Variants in WDPCP observed in about 807,000 individuals in gnomAD.
WDPCP encodes the protein WD repeat containing planar cell polarity effector, also known as WD repeat-containing and planar cell polarity effector protein fritz homolog.
In WDPCP, 71 loss-of-function variants were observed where a neutral mutation model predicts 93.1. The observed-to-expected ratio is 0.76, with a 90% CI of 0.63 to 0.93. WDPCP has a LOEUF of 0.93. Among genes scored for constraint, WDPCP ranks in the 40% least tolerant of loss-of-function variants. The pLI is 0.00. For synonymous variants in WDPCP, 315 were observed against 315.0 expected, an observed-to-expected ratio of 1.00 and a Z score of 0.00; for missense variants, 844 against 887.4, an observed-to-expected ratio of 0.95 and a Z score of 0.62.
chr2:63,555,067 C>A (rs1705987086), intron 1 of WDPCP, among the ~76,000 whole-genome samples: 6 of 152,248 alleles, frequency 3.9e-5, no homozygotes, highest in Non-Finnish European at 8.8e-5. Flanking sequence ...AGCCACTTGG[C>A]TGGAGACTGC....
chr2:63,682,639 AG>A (rs538849274), intron 2 of WDPCP, among the ~76,000 whole-genome samples: 122 of 152,298 alleles, frequency 8.0e-4, no homozygotes, highest in African/African-American at 2.9e-3. Flanking sequence ...GGATAATAAC[AG>A]AGAACTTTCT....
chr2:63,587,037 ATCTT>A (rs958345868), intron 1 of WDPCP, among the ~76,000 whole-genome samples: 1 of 152,252 alleles, frequency 6.6e-6, no homozygotes, highest in Non-Finnish European at 1.5e-5. Context: ...ACATGGAAAA[ATCTT>A]TCTGTTAGCA....
intron 17 of WDPCP, among the ~76,000 whole-genome samples, chr2:63,125,719 CT>C (rs1298810904): frequency 3.9e-5 from 6 of 152,090 alleles, no homozygotes; most frequent in Non-Finnish European, 8.8e-5. Flanking sequence ...GCAGTTCTCC[CT>C]GCCTCAGCCT....
At chr2:63,448,245 T>A (rs1697992597) in intron 6 of WDPCP, among the ~76,000 whole-genome samples, 1 of 152,016 alleles carries the variant, frequency 6.6e-6, no homozygotes, top group Admixed American at 6.6e-5. Flanking sequence ...CTTCCAGTTC[T>A]CCTCCATAAT....
At chr2:63,198,550 T>C (rs1337199632) in intron 14 of WDPCP, among the ~76,000 whole-genome samples, 1 of 152,198 alleles carries the variant, frequency 6.6e-6, no homozygotes, top group Non-Finnish European at 1.5e-5. Flanking sequence ...GATTGGATCA[T>C]GGAGGCAGAT....
intron 3 of WDPCP, among the ~76,000 whole-genome samples, chr2:63,619,128 CTTT>C (rs557281211): frequency 3.0e-4 from 45 of 152,174 alleles, no homozygotes; most frequent in Non-Finnish European, 6.0e-4. Context: ...CTGTCATCTT[CTTT>C]GTTTCTTGAC....
intron 12 of WDPCP, among the ~76,000 whole-genome samples, chr2:63,365,598 C>G (rs1230868876): frequency 2.0e-5 from 3 of 151,978 alleles, no homozygotes; most frequent in African/African-American, 7.2e-5. Flanking sequence ...CTTCTTTTTT[C>G]CTAATGGTAA....
intron 17 of WDPCP, among the ~76,000 whole-genome samples, chr2:63,130,776 G>A (rs1386178855): frequency 1.3e-5 from 2 of 151,952 alleles, no homozygotes; most frequent in African/African-American, 4.8e-5. Context: ...TTGTCCTATC[G>A]ATTATTGAAA....
intron 3 of WDPCP, among the ~76,000 whole-genome samples, chr2:63,596,111 A>T (rs184967631): frequency 6.6e-6 from 1 of 152,300 alleles, no homozygotes; most frequent in Admixed American, 6.5e-5. Context: ...TATAACACAG[A>T]TATAATAAGG....
chr2:63,155,599 A>G (rs1189563742), intron 15 of WDPCP, among the ~76,000 whole-genome samples: 1 of 152,206 alleles, frequency 6.6e-6, no homozygotes, highest in Non-Finnish European at 1.5e-5. Flanking sequence ...TAGTAAATAA[A>G]GTTTTATTGG....
chr2:63,248,967 C>T (rs568367522), intron 14 of WDPCP, among the ~76,000 whole-genome samples: 7 of 151,340 alleles, frequency 4.6e-5, no homozygotes, highest in Non-Finnish European at 1.0e-4. Context: ...ACTCTTTGAA[C>T]ATATTTAAGG....
At chr2:63,268,284 T>C (rs747134114) in intron 13 of WDPCP, among the ~76,000 whole-genome samples, 5 of 152,038 alleles carry the variant, frequency 3.3e-5, no homozygotes, top group Non-Finnish European at 4.4e-5. Context: ...ATTGATTTCA[T>C]AGAAACAGGA....
At chr2:63,642,163 G>A (rs781177138) in intron 3 of WDPCP, among the ~76,000 whole-genome samples, 16 of 151,818 alleles carry the variant, frequency 1.1e-4, no homozygotes, top group African/African-American at 2.9e-4. Flanking sequence ...TGCCAGTCCC[G>A]TGCTGTTTTG....
intron 15 of WDPCP, among the ~76,000 whole-genome samples, chr2:63,166,106 G>A (rs894109107): frequency 5.9e-5 from 9 of 151,652 alleles, no homozygotes; most frequent in East Asian, 3.9e-4. Context: ...TAGCCCAGTC[G>A]TCCAGGCTGG....
At chr2:63,543,859 C>A (rs114900513) in intron 1 of WDPCP, among the ~76,000 whole-genome samples, 2,887 of 152,024 alleles carry the variant, frequency 0.019, 80 homozygotes, top group African/African-American at 0.064. Flanking sequence ...AGTCAGAGAG[C>A]AATTTAATAT....
At chr2:63,177,780 A>G (rs1673930840) in intron 14 of WDPCP, among the ~76,000 whole-genome samples, 1 of 152,090 alleles carries the variant, frequency 6.6e-6, no homozygotes, top group Non-Finnish European at 1.5e-5. Context: ...GAAAGCAGGC[A>G]TCTTTGTCTT....
In WDPCP at chr2:63,710,719, C is replaced by A. The variant is rs530229460; in HGVS notation, n.309-59881G>T. Among the ~76,000 whole-genome samples the A allele has an allele frequency of 2.0e-5, 3 of 152,278 alleles. No homozygotes were observed. The South Asian group carries it at 6.2e-4, about 32-fold the overall frequency. ...ATTGTATTGTTGGGGCCAAGGAGCA[C>A]CTGTTGGGCTGAATGGTTGGGTGGA... On this transcript the variant is annotated intron_variant and non_coding_transcript_variant, in intron 2 of 4. Coordinates refer to the WDPCP transcript ENST00000467687.
chr2:63,338,184 G>C (rs1464470811), intron 12 of WDPCP, among the ~76,000 whole-genome samples: 1 of 152,072 alleles, frequency 6.6e-6, no homozygotes, highest in African/African-American at 2.4e-5. Flanking sequence ...TGTATGGTGA[G>C]AGATGGGGTC....
chr2:63,167,753 A>T (rs923765496), intron 15 of WDPCP, among the ~76,000 whole-genome samples: 2 of 152,202 alleles, frequency 1.3e-5, no homozygotes, highest in Non-Finnish European at 2.9e-5. Context: ...TATTCATAAT[A>T]TCTACATTAT....
Sources: gnomAD v4.1 joint callset for allele counts (sites outside exome capture counted in the v4.1 genomes callset) on GRCh38, gnomAD v4.1.1 for gene constraint, MANE v1.5 for transcripts, NCBI Gene and HGNC (gene_info 2026-07-23, HGNC 2026-07-21) for gene names.